The following DIDO1 variants were observed in gnomAD, a reference collection of about 807,000 sequenced individuals.
DIDO1 encodes the protein death-inducer obliterator 1.
DIDO1 carries 16 observed loss-of-function variants against 99.4 expected under a neutral mutation model. That is an observed-to-expected ratio of 0.16 (90% CI 0.11 to 0.24). The LOEUF is 0.24. Among genes scored for constraint, DIDO1 ranks in the 10% least tolerant of loss-of-function variants. The pLI is 1.00. For synonymous variants in DIDO1, 1,366 were observed against 1,239.1 expected, an observed-to-expected ratio of 1.10 and a Z score of -2.15; for missense variants, 2,996 against 3,014.0, an observed-to-expected ratio of 0.99 and a Z score of 0.14.
chr20:62,922,962 A>T (rs779699077), intron 1 of DIDO1, among the ~76,000 whole-genome samples: 11 of 152,122 alleles, frequency 7.2e-5, no homozygotes, highest in Non-Finnish European at 1.6e-4. Context: ...CTAACAGACC[A>T]GTTTGAAAAA....
rs1016719356 is a variant in DIDO1, at chr20:62,909,690, A to C, written c.1161+9T>G. 1 of 1,611,310 alleles carries C rather than the reference A, an allele frequency of 6.2e-7. No individual in the cohort carries two copies. Among genetic ancestry groups the C allele is most frequent in the Non-Finnish European group, 8.5e-7 (1 of 1,177,762 alleles). Reference sequence around the variant, plus strand: ...TGCTGAATGCTCGTCTCAGCGGACAAACACTTACAGGCTGGAAGATCTTGA... The same window carrying C: ...TGCTGAATGCTCGTCTCAGCGGACACACACTTACAGGCTGGAAGATCTTGA... On this transcript the variant is annotated intron_variant, in intron 4 of 15. Coordinates refer to ENST00000395343, the MANE Select transcript of DIDO1 (RefSeq NM_001193369.2).
chr20:62,911,587 T>C lies in DIDO1; in HGVS notation c.26A>G (p.Asn9Ser), dbSNP rs2064942896. The C allele has an allele frequency of 6.3e-7, 1 of 1,593,042 alleles. No homozygotes were observed. Among genetic ancestry groups the C allele is most frequent in the African/African-American group, 1.3e-5 (1 of 74,454 alleles). The change falls in exon 3 of 16, where the codon AAT becomes AGT. Residue 9 changes from asparagine to serine, a missense_variant. Coordinates refer to ENST00000395343, the MANE Select transcript of DIDO1 (RefSeq NM_001193369.2). The surrounding 1 kb of genome is among the most constrained non-coding windows in gnomAD (Gnocchi z 7.0). ...TTTGATGGCCTTAGGTGCCTCCTCA[T>C]TGCTCGGGTCGCCTTTGTCGTCCAT... MDDKGDPS[N>S]EEAPKAIKPT...
intron 1 of DIDO1, among the ~76,000 whole-genome samples, chr20:62,936,432 G>T (rs1470240742): frequency 1.3e-5 from 2 of 152,130 alleles, no homozygotes; most frequent in Non-Finnish European, 2.9e-5. Context: ...GCGGGTGCCT[G>T]TAGTTCCAGC....
At chr20:62,899,833 A>G (rs921012958) in intron 6 of DIDO1, among the ~76,000 whole-genome samples, 3 of 152,166 alleles carry the variant, frequency 2.0e-5, no homozygotes, top group Non-Finnish European at 4.4e-5. Flanking sequence ...GACATGTTCT[A>G]TCCAGCAACT....
At position 62,879,226 on chromosome 20, in the gene DIDO1, G is replaced by A. The variant is rs974486620; in HGVS notation, c.*7C>T. ...CTTTAAAAAGGGTCTCTGCCCGGCC[G>A]GGGCGTCTAGGCCTGCGAGGCGGTG... is the stretch of plus-strand genomic sequence containing the variant. On this transcript the variant is annotated 3_prime_UTR_variant, in exon 16 of 16. Transcript: ENST00000395343. This position sits in a 1 kb window ranked among gnomAD's most constrained non-coding sequence, Gnocchi z 6.3. 1 of 1,487,040 alleles carries A rather than the reference G, an allele frequency of 6.7e-7. No individual in the cohort carries two copies. Among genetic ancestry groups the A allele is most frequent in the Non-Finnish European group, 8.9e-7 (1 of 1,124,324 alleles). 92.1% of individuals were successfully genotyped at this position (1,487,040 alleles called of 1,614,324 possible).
Position 62,907,278 on chromosome 20 carries a change from T to C in DIDO1, c.1243A>G (p.Asn415Asp), listed in dbSNP as rs1315692671. 6.2e-7 allele frequency: 1 copy of C among 1,614,262 alleles called. No individual in the cohort carries two copies. The highest frequency in any genetic ancestry group is 1.1e-5 in the South Asian group (1 of 91,090). ...GCGGCGTGTTTGAGGATACAGTCAT[T>C]ACTGCAGTACACCGAGTCGGGCTGC... ...VAQPDSVYCS[N>D]DCILKHAAAT... Residue 415 changes from asparagine to aspartate, a missense_variant, in exon 5 of 16, where the codon AAT becomes GAT. Around this residue, in one of 5 missense-constraint regions of DIDO1, gnomAD observed 898 missense variants for 972.7 expected, o/e 0.92. Coordinates refer to ENST00000395343, the MANE Select transcript of DIDO1 (RefSeq NM_001193369.2).
At position 62,896,471 on chromosome 20, in the gene DIDO1, C is replaced by T. The variant is rs2064525221; in HGVS notation, c.2054+60G>A. 6.3e-7 allele frequency: 1 copy of T among 1,587,388 alleles called. No individual in the cohort carries two copies. Among genetic ancestry groups the T allele is most frequent in the South Asian group, 1.2e-5 (1 of 86,724 alleles). ...TTTGAACAGTGAGGCAATCCTGCAG[C>T]CACACTCTAATGAAAGCCCTTCCAT... On this transcript the variant is annotated intron_variant, in intron 7 of 15. Transcript: ENST00000395343. This position sits in a 1 kb window ranked among gnomAD's most constrained non-coding sequence, Gnocchi z 4.4.
intron 1 of DIDO1, among the ~76,000 whole-genome samples, chr20:62,915,605 T>C (rs1333021896): frequency 6.6e-6 from 1 of 152,176 alleles, no homozygotes; most frequent in African/African-American, 2.4e-5. Flanking sequence ...CCTCCTGGCT[T>C]AGCCTCATGA....
chr20:62,919,103 A>G (rs918752686), intron 1 of DIDO1, among the ~76,000 whole-genome samples: 3 of 152,234 alleles, frequency 2.0e-5, no homozygotes, highest in African/African-American at 7.2e-5. Context: ...CAAACAGGAA[A>G]GAGATTTGGG....
At chr20:62,929,693 G>GCATATATATA (rs1555853760), upstream of DIDO1, among the ~76,000 whole-genome samples, 2 of 97,964 alleles carry the variant, frequency 2.0e-5, no homozygotes, top group Non-Finnish European at 3.8e-5. Flanking sequence ...AAAAGAAAAA[G>GCATATATATA]TGTATATATA....
At chr20:62,917,626 C>T (rs1055895159) in intron 1 of DIDO1, among the ~76,000 whole-genome samples, 2 of 152,252 alleles carry the variant, frequency 1.3e-5, no homozygotes, top group South Asian at 2.1e-4. Context: ...GACAGTACCA[C>T]GTGGGGATGC....
At chr20:62,901,217 G>C (rs993972906) in intron 6 of DIDO1, among the ~76,000 whole-genome samples, 2 of 152,236 alleles carry the variant, frequency 1.3e-5, no homozygotes, top group African/African-American at 4.8e-5. Context: ...GGACGCCCTT[G>C]CAGGGTCCAC....
In DIDO1 at chr20:62,879,408, C is replaced by T. The variant is rs769652252; in HGVS notation, c.6548G>A (p.Arg2183Gln). The change falls in exon 16 of 16, where the codon CGA (arginine) becomes CAA (glutamine). Residue 2183 changes from arginine to glutamine, a missense_variant. Arg to Gln is a conservative substitution (Grantham distance 43, BLOSUM62 1). Transcript: ENST00000395343. This position sits in a 1 kb window ranked among gnomAD's most constrained non-coding sequence, Gnocchi z 6.3. ...RERSRNRERE[R>Q]DRRRDRDRSR... ...CCGGTCCCGGTCGCGCCTCCGGTCT[C>T]GCTCGCGCTCTCGGTTCCTGCTCCG... The T allele has an allele frequency of 3.2e-6, 5 of 1,543,518 alleles. No homozygotes were observed. Among genetic ancestry groups the T allele is most frequent in the East Asian group, 4.9e-5 (2 of 40,938 alleles).
Position 62,896,790 on chromosome 20 carries a change from A to G in DIDO1, c.1795T>C (p.Trp599Arg). ...CCACTCGATGGGGTAGCGGAGAGCC[A>G]TGGCCTCTTGGGGATGGTGCCCTTG... ...GFKGTIPKRP[W>R]LSATPSSGAS... The change falls in exon 7 of 16, where the codon TGG (tryptophan) becomes CGG (arginine). Residue 599 changes from tryptophan to arginine, a missense_variant. By Grantham distance (101) the Trp-to-Arg change is moderately radical. This residue lies in a region of DIDO1 where 898 missense variants were observed against 972.7 expected (regional missense o/e 0.92). Transcript: ENST00000395343. The surrounding 1 kb of genome is among the most constrained non-coding windows in gnomAD (Gnocchi z 4.4). The G allele has an allele frequency of 6.2e-7, 1 of 1,614,128 alleles. No homozygotes were observed. Among genetic ancestry groups the G allele is most frequent in the Non-Finnish European group, 8.5e-7 (1 of 1,180,036 alleles).
intron 6 of DIDO1, among the ~76,000 whole-genome samples, chr20:62,901,817 G>GAAAAAAAAA (rs11467476): frequency 8.8e-6 from 1 of 113,068 alleles, no homozygotes; most frequent in Non-Finnish European, 2.0e-5. Context: ...TGTGTTAACA[G>GAAAAAAAAA]AAAAAAAAAA....
chr20:62,894,999 C>T lies in DIDO1; in HGVS notation c.2331+50G>A, dbSNP rs2064486897. ...TATGCAGCCGTCTATGAATTTATTT[C>T]TATTAAGCTCGAGTCCTGGGTGCCT... On this transcript the variant is annotated intron_variant, in intron 9 of 15. Transcript: ENST00000395343. This position sits in a 1 kb window ranked among gnomAD's most constrained non-coding sequence, Gnocchi z 4.4. 1 of 1,597,024 alleles carries T rather than the reference C, an allele frequency of 6.3e-7. No individual in the cohort carries two copies. Among genetic ancestry groups the T allele is most frequent in the Non-Finnish European group, 8.6e-7 (1 of 1,165,780 alleles).
At chr20:62,918,560 G>C (rs768740529) in intron 1 of DIDO1, among the ~76,000 whole-genome samples, 4 of 152,148 alleles carry the variant, frequency 2.6e-5, no homozygotes, top group African/African-American at 7.2e-5. Context: ...GCACCTCCAG[G>C]AAAAGAGCTC....
rs778170644 is a variant in DIDO1, at chr20:62,911,628, G to A, written c.-2-14C>T. On this transcript the variant is annotated splice_polypyrimidine_tract_variant and intron_variant, in intron 2 of 15. Transcript: ENST00000395343. This position sits in a 1 kb window ranked among gnomAD's most constrained non-coding sequence, Gnocchi z 7.0. The stretch of plus-strand genomic sequence containing the variant: ...TGTCGTCCATACCTAGCGGTAAAGT[G>A]TAAGCACATAGTGACCAACTGACCA... The A allele has an allele frequency of 5.8e-6, 9 of 1,539,614 alleles. No homozygotes were observed. Among genetic ancestry groups the A allele is most frequent in the African/African-American group, 2.7e-5 (2 of 72,854 alleles).
At chr20:62,930,524 T>C (rs968791195), upstream of DIDO1, among the ~76,000 whole-genome samples, 2 of 152,232 alleles carry the variant, frequency 1.3e-5, no homozygotes, top group African/African-American at 2.4e-5. Context: ...GTGATGGAGC[T>C]ACACGTTCTA....
Sources: allele counts gnomAD v4.1 joint callset (sites outside exome capture counted in the v4.1 genomes callset), GRCh38; gene constraint gnomAD v4.1.1; regional missense constraint gnomAD v4.1.1; non-coding constraint Gnocchi (gnomAD v3.1); transcripts MANE v1.5; gene names NCBI Gene and HGNC (gene_info 2026-07-23, HGNC 2026-07-21).